The following TENM3 variants were observed in gnomAD, a reference collection of about 807,000 sequenced individuals.
TENM3 encodes teneurin transmembrane protein 3.
In TENM3, 63 loss-of-function variants were observed where a neutral mutation model predicts 255.1. The ratio of observed to expected loss-of-function variants is 0.25; its 90% CI spans 0.20 to 0.30. TENM3 has a LOEUF of 0.30. Ranked by LOEUF, TENM3 falls within the 10% of genes least tolerant of loss-of-function variation. TENM3 has a pLI of 1.00. For synonymous variants in TENM3, 1,306 were observed against 1,322.3 expected, an observed-to-expected ratio of 0.99 and a Z score of 0.27; for missense variants, 2,929 against 3,461.1, an observed-to-expected ratio of 0.85 and a Z score of 3.86.
chr4:181,866,724 C>T, the TENM3 span, among the ~76,000 whole-genome samples: 1 of 152,106 alleles, frequency 6.6e-6, no homozygotes, highest in Non-Finnish European at 1.5e-5. Context: ...ACCACTTTTC[C>T]GTATTAACCC....
the TENM3 span, among the ~76,000 whole-genome samples, chr4:182,071,499 G>T: frequency 1.4e-5 from 2 of 145,470 alleles, no homozygotes; most frequent in African/African-American, 5.1e-5. Flanking sequence ...ATGCTGGAGT[G>T]CAGTGGCGCG....
At position 182,688,304 on chromosome 4, in the gene TENM3, G is replaced by A; in HGVS notation, c.2174G>A (p.Gly725Asp). 6.2e-7 allele frequency: 1 copy of A among 1,613,930 alleles called. No individual in the cohort carries two copies. Among genetic ancestry groups the A allele is most frequent in the Non-Finnish European group, 8.5e-7 (1 of 1,179,834 alleles). The change falls in exon 12 of 28, where the codon GGC becomes GAC. Residue 725 changes from glycine (G) to aspartate (D), a missense_variant. Coordinates refer to ENST00000511685, the MANE Select transcript of TENM3 (RefSeq NM_001080477.4). ...RCAEHGTCKD[G>D]KCECSQGWNG... ...GCCGAGCACGGGACCTGCAAGGATG[G>A]CAAGTGTGAATGCAGCCAGGGCTGG...
chr4:182,433,308 C>T lies in TENM3; in HGVS notation c.511+86379C>T, dbSNP rs117673967. On this transcript the variant is annotated intron_variant, in intron 3 of 27. Coordinates refer to ENST00000511685, the MANE Select transcript of TENM3 (RefSeq NM_001080477.4). The stretch of plus-strand genomic sequence containing the variant: ...GACGCAGGGAATGCAGGATGAGATA[C>T]GAGTTTGTGGAAGAGGACTATTTCA... 2.0e-5 allele frequency among the ~76,000 whole-genome samples: 3 copies of T among 152,088 alleles called. No individual in the cohort carries two copies. In the East Asian group the frequency reaches 5.8e-4, roughly 29 times the overall value.
At chr4:181,797,584 G>A in the TENM3 span, among the ~76,000 whole-genome samples, 1 of 152,158 alleles carries the variant, frequency 6.6e-6, no homozygotes, top group Non-Finnish European at 1.5e-5. Flanking sequence ...CCGTGACTTT[G>A]TATTTGATTC....
the TENM3 span, among the ~76,000 whole-genome samples, chr4:181,676,155 G>A: frequency 5.9e-5 from 9 of 152,132 alleles, no homozygotes; most frequent in East Asian, 5.8e-4. Context: ...TTCAAAATGC[G>A]CTGTTAAATT....
intron 3 of TENM3, among the ~76,000 whole-genome samples, chr4:182,423,467 G>A (rs1770988452): frequency 6.6e-6 from 1 of 152,200 alleles, no homozygotes; most frequent in Non-Finnish European, 1.5e-5. Context: ...CTGTATTAAG[G>A]ATGTAGTGTT....
chr4:181,694,689 G>A, the TENM3 span, among the ~76,000 whole-genome samples: 6 of 152,184 alleles, frequency 3.9e-5, no homozygotes, highest in Non-Finnish European at 8.8e-5. Context: ...CAGAGAATAA[G>A]AATGACCCCA....
chr4:182,247,113 G>A lies in TENM3; in HGVS notation c.-76+3637G>A, dbSNP rs535108874. On this transcript the variant is annotated intron_variant, in intron 1 of 27. Transcript: ENST00000511685. ...TGAAGGACAGAAAAATATGAGTCGA[G>A]CTAGAATCTAATGAGCAAAGAGAAA... is the stretch of plus-strand genomic sequence containing the variant. 7.9e-5 allele frequency among the ~76,000 whole-genome samples: 12 copies of A among 152,280 alleles called. No homozygotes were observed. In the South Asian group the frequency reaches 2.5e-3, roughly 32 times the overall value.
chr4:182,149,874 G>A (rs1750220665), intron 1 of TENM3, among the ~76,000 whole-genome samples: 1 of 151,970 alleles, frequency 6.6e-6, no homozygotes, highest in Admixed American at 6.6e-5. Context: ...TAGTTCTGTA[G>A]TTTGTACTAG....
chr4:182,382,042 G>A (rs1414245125), intron 3 of TENM3, among the ~76,000 whole-genome samples: 3 of 152,176 alleles, frequency 2.0e-5, no homozygotes, highest in African/African-American at 4.8e-5. Flanking sequence ...AACCTAGGAC[G>A]ATGCTCTGAT....
the TENM3 span, among the ~76,000 whole-genome samples, chr4:181,532,607 C>T: frequency 3.3e-5 from 5 of 152,242 alleles, no homozygotes; most frequent in Admixed American, 6.5e-5. Flanking sequence ...TTGAGTATAT[C>T]TTATACTTGT....
chr4:181,847,713 T>C, the TENM3 span, among the ~76,000 whole-genome samples: 1 of 151,940 alleles, frequency 6.6e-6, no homozygotes, highest in Non-Finnish European at 1.5e-5. Context: ...TATATGTATT[T>C]TGGCAAACTA....
chr4:182,534,565 C>A (rs762752626), intron 3 of TENM3, among the ~76,000 whole-genome samples: 1 of 152,296 alleles, frequency 6.6e-6, no homozygotes, highest in South Asian at 2.1e-4. Context: ...CACATGGTCA[C>A]TGGAGTTCAT....
chr4:182,194,186 T>C (rs958049923), intron 1 of TENM3, among the ~76,000 whole-genome samples: 6 of 152,214 alleles, frequency 3.9e-5, no homozygotes, highest in African/African-American at 1.4e-4. Context: ...CCTTAAATAA[T>C]TTATGGCACT....
the TENM3 span, among the ~76,000 whole-genome samples, chr4:181,578,677 G>A: frequency 4.6e-3 from 701 of 152,268 alleles, 6 homozygotes; most frequent in African/African-American, 0.016. Flanking sequence ...CTGCAGTGAG[G>A]AGAAGTTTCT....
At position 182,735,642 on chromosome 4, in the gene TENM3, T is replaced by C. The variant is rs1204954873; in HGVS notation, c.2968-1166T>C. ...ATAAGGAAGCCTTTGAGAGTACTGT[T>C]TAATTCTTCGTGGAGAAAGTAGTGA... On this transcript the variant is annotated intron_variant, in intron 16 of 27. Transcript: ENST00000511685. Among the ~76,000 whole-genome samples the C allele has an allele frequency of 2.0e-5, 3 of 152,198 alleles. No individual in the cohort carries two copies. In the East Asian group the frequency reaches 5.8e-4, roughly 29 times the overall value.
At chr4:181,918,514 C>T in the TENM3 span, among the ~76,000 whole-genome samples, 1 of 152,032 alleles carries the variant, frequency 6.6e-6, no homozygotes, top group Non-Finnish European at 1.5e-5. Flanking sequence ...TAAGTTAAAG[C>T]TTAACTACAA....
At chr4:181,718,367 T>C in the TENM3 span, among the ~76,000 whole-genome samples, 7 of 152,188 alleles carry the variant, frequency 4.6e-5, no homozygotes, top group Non-Finnish European at 8.8e-5. Context: ...CAAAATGTCC[T>C]ATGAAAAATT....
At chr4:182,525,005 T>C (rs1243073397) in intron 3 of TENM3, among the ~76,000 whole-genome samples, 1 of 151,952 alleles carries the variant, frequency 6.6e-6, no homozygotes, top group African/African-American at 2.4e-5. Context: ...ACTCCAGCCT[T>C]GGCGACAGAG....
Sources: allele counts gnomAD v4.1 joint callset (sites outside exome capture counted in the v4.1 genomes callset), GRCh38; gene constraint gnomAD v4.1.1; transcripts MANE v1.5; gene names NCBI Gene and HGNC (gene_info 2026-07-23, HGNC 2026-07-21).